ANKRD11: variants seen among roughly 807,000 people sequenced by gnomAD.
ANKRD11 encodes the protein ankyrin repeat domain-containing protein 11.
In ANKRD11, 17 loss-of-function variants were observed where a neutral mutation model predicts 195.7. That is an observed-to-expected ratio of 0.09 (90% CI 0.06 to 0.13). ANKRD11 has a LOEUF of 0.13. Ranked by LOEUF, ANKRD11 falls within the 10% of genes least tolerant of loss-of-function variation. ANKRD11 has a pLI of 1.00. For missense variants in ANKRD11, 3,735 were observed against 3,566.1 expected (o/e 1.05, Z -1.21); for synonymous variants, 1,953 against 1,528.1 (o/e 1.28, Z -6.49).
chr16:89,448,391 G>C (rs150140791), intron 1 of ANKRD11, among the ~76,000 whole-genome samples: 5 of 152,294 alleles, frequency 3.3e-5, no homozygotes, highest in African/African-American at 1.2e-4. Flanking sequence ...TAGTGCTCAA[G>C]AAAAACTTCT....
At chr16:89,370,982 G>A (rs1036290091) in intron 2 of ANKRD11, among the ~76,000 whole-genome samples, 3 of 152,078 alleles carry the variant, frequency 2.0e-5, no homozygotes, top group East Asian at 1.9e-4. Context: ...CTAGGGCTCC[G>A]TCCCTTGCTT....
intron 2 of ANKRD11, among the ~76,000 whole-genome samples, chr16:89,346,833 T>C (rs577818164): frequency 6.6e-6 from 1 of 152,122 alleles, no homozygotes; most frequent in African/African-American, 2.4e-5. Flanking sequence ...AAGAAAAACA[T>C]GAGAAATGTA....
chr16:89,283,430 T>A lies in ANKRD11; in HGVS notation c.3112A>T (p.Ser1038Cys). Residue 1038 changes from serine (S) to cysteine (C), a missense_variant, in exon 9 of 13, where the codon AGT (serine) becomes TGT (cysteine). Ser to Cys is a moderately radical substitution (Grantham distance 112). Transcript: ENST00000301030. The surrounding 1 kb of genome is among the most constrained non-coding windows in gnomAD (Gnocchi z 4.3). The part of the protein sequence containing the change: ...YKEKSSDKDK[S>C]EKSILEKCQK... ...CATTTTTCCAGGATTGATTTCTCACTTTTGTCCTTGTCACTGGATTTCTCT... is the reference window on the plus strand; with the variant it reads ...CATTTTTCCAGGATTGATTTCTCACATTTGTCCTTGTCACTGGATTTCTCT... 4 of 1,614,180 alleles carry A rather than the reference T, an allele frequency of 2.5e-6. No individual in the cohort carries two copies. The highest frequency in any genetic ancestry group is 3.4e-6 in the Non-Finnish European group (4 of 1,180,054).
chr16:89,384,883 T>TC lies in ANKRD11; in HGVS notation c.-60+33400_-60+33401insG, dbSNP rs1179165682. ...CACACAATGAGAAATAGTTTTCTTTTTTTTTTTTTTTTTTTTTTTTTTTTG... is the reference window on the plus strand; with the variant it reads ...CACACAATGAGAAATAGTTTTCTTTTCTTTTTTTTTTTTTTTTTTTTTTTTG... On this transcript the variant is annotated intron_variant, in intron 2 of 12. Coordinates refer to ENST00000301030, the MANE Select transcript of ANKRD11 (RefSeq NM_013275.6). 5.1e-3 allele frequency among the ~76,000 whole-genome samples: 170 copies of TC among 33,192 alleles called. 4 individuals are homozygous for TC. The highest frequency in any genetic ancestry group is 0.016 in the African/African-American group (166 of 10,314). 21.8% of individuals were successfully genotyped at this position (33,192 alleles called of 152,430 possible).
intron 2 of ANKRD11, among the ~76,000 whole-genome samples, chr16:89,349,601 A>C (rs2039112024): frequency 6.6e-6 from 1 of 152,236 alleles, no homozygotes; most frequent in African/African-American, 2.4e-5. Flanking sequence ...GAATATCCTC[A>C]TGCAAAAAAC....
intron 2 of ANKRD11, among the ~76,000 whole-genome samples, chr16:89,407,079 G>A (rs990703421): frequency 1.3e-5 from 2 of 151,772 alleles, no homozygotes; most frequent in East Asian, 3.9e-4. Flanking sequence ...CCAGGTACTC[G>A]GGAGGCTGAG....
At chr16:89,388,713 A>C (rs113278810) in intron 2 of ANKRD11, among the ~76,000 whole-genome samples, 1,861 of 152,104 alleles carry the variant, frequency 0.012, 28 homozygotes, top group African/African-American at 0.043. Flanking sequence ...CATCCACACA[A>C]AGAAGAGCCG....
chr16:89,452,195 T>G lies in ANKRD11; in HGVS notation c.-144-33827A>C, dbSNP rs371478211. ...ATCGCTTGAACCTGGGAGGTGGAGG[T>G]TGCAGTAAGCCGAGATCACACCACT... On this transcript the variant is annotated intron_variant, in intron 1 of 12. Coordinates refer to ENST00000301030, the MANE Select transcript of ANKRD11 (RefSeq NM_013275.6). Among the ~76,000 whole-genome samples, 604 of 151,110 alleles carry G rather than the reference T, an allele frequency of 4.0e-3. 1 individual carries two copies. Among genetic ancestry groups the G allele is most frequent in the Non-Finnish European group, 5.3e-3 (361 of 67,662 alleles).
At chr16:89,398,556 A>G (rs1403778735) in intron 2 of ANKRD11, among the ~76,000 whole-genome samples, 3 of 152,218 alleles carry the variant, frequency 2.0e-5, no homozygotes, top group Admixed American at 1.3e-4. Context: ...ATCTCTTAAA[A>G]AAAATTTTTT....
At chr16:89,445,914 A>G (rs1005789755) in intron 1 of ANKRD11, among the ~76,000 whole-genome samples, 5 of 151,448 alleles carry the variant, frequency 3.3e-5, no homozygotes, top group African/African-American at 1.2e-4. Flanking sequence ...CATTGTGGTG[A>G]GCGGAGATCG....
At chr16:89,269,653 G>C (rs962185391) in intron 12 of ANKRD11, among the ~76,000 whole-genome samples, 67 of 151,976 alleles carry the variant, frequency 4.4e-4, no homozygotes, top group African/African-American at 1.5e-3. Context: ...CCCCAGGCTG[G>C]AGTGCAGTGG....
At chr16:89,435,760 A>T (rs1025195306) in intron 1 of ANKRD11, among the ~76,000 whole-genome samples, 1 of 150,486 alleles carries the variant, frequency 6.6e-6, no homozygotes, top group Admixed American at 6.6e-5. Context: ...CCACTCAAGG[A>T]ACAGACCAAC....
At position 89,385,409 on chromosome 16, in the gene ANKRD11, G is replaced by A. The variant is rs150975243; in HGVS notation, c.-60+32875C>T. On this transcript the variant is annotated intron_variant, in intron 2 of 12. Coordinates refer to ENST00000301030, the MANE Select transcript of ANKRD11 (RefSeq NM_013275.6). Reference sequence around the variant, plus strand: ...CTCCCAAAGTGCTGGGATTACAGGCGTGAGCCACCGGACCCAGCAGACAGA... The same window carrying A: ...CTCCCAAAGTGCTGGGATTACAGGCATGAGCCACCGGACCCAGCAGACAGA... 2.0e-3 allele frequency among the ~76,000 whole-genome samples: 307 copies of A among 152,264 alleles called. 2 individuals carry two copies. The highest frequency in any genetic ancestry group is 7.1e-3 in the African/African-American group (296 of 41,540).
chr16:89,422,023 G>A (rs1247511515), intron 1 of ANKRD11: 1 of 152,212 alleles, frequency 6.6e-6, no homozygotes, highest in African/African-American at 2.4e-5. Context: ...CTGAATGGTG[G>A]AGCAATGTGA....
intron 2 of ANKRD11, among the ~76,000 whole-genome samples, chr16:89,397,537 G>A (rs1403783466): frequency 2.0e-5 from 3 of 152,224 alleles, no homozygotes; most frequent in Non-Finnish European, 1.5e-5. Context: ...GTCCCTGACG[G>A]GGAAGGGTTG....
chr16:89,322,420 C>T (rs1263111401), intron 2 of ANKRD11, among the ~76,000 whole-genome samples: 1 of 152,236 alleles, frequency 6.6e-6, no homozygotes, highest in Non-Finnish European at 1.5e-5. Context: ...GTGTAATGAC[C>T]ATTTAAATAT....
chr16:89,453,510 G>A (rs982885762), intron 1 of ANKRD11, among the ~76,000 whole-genome samples: 5 of 152,140 alleles, frequency 3.3e-5, no homozygotes, highest in African/African-American at 9.7e-5. Context: ...ACAGGAACAC[G>A]TCCTGCCTGC....
intron 1 of ANKRD11, among the ~76,000 whole-genome samples, chr16:89,450,902 G>A (rs1035274210): frequency 2.6e-5 from 4 of 152,146 alleles, no homozygotes; most frequent in Non-Finnish European, 4.4e-5. Flanking sequence ...AAATGACCAC[G>A]TGGCCCAATC....
intron 2 of ANKRD11, among the ~76,000 whole-genome samples, chr16:89,319,068 T>C (rs2037139184): frequency 6.6e-6 from 1 of 152,210 alleles, no homozygotes; most frequent in Non-Finnish European, 1.5e-5. Flanking sequence ...GTTTAAGGAT[T>C]ATCTGGAATT....
Sources: allele counts gnomAD v4.1 joint callset (sites outside exome capture counted in the v4.1 genomes callset), GRCh38; gene constraint gnomAD v4.1.1; non-coding constraint Gnocchi (gnomAD v3.1); transcripts MANE v1.5; gene names NCBI Gene and HGNC (gene_info 2026-07-23, HGNC 2026-07-21).